ANKFN1: variants seen among roughly 807,000 people sequenced by gnomAD.
ANKFN1 encodes the protein ankyrin repeat and fibronectin type-III domain-containing protein 1.
In ANKFN1, 74 loss-of-function variants were observed where a neutral mutation model predicts 108.7. That is an observed-to-expected ratio of 0.68 (90% CI 0.56 to 0.83). The LOEUF is 0.83. Ranked by LOEUF, ANKFN1 falls within the 40% of genes least tolerant of loss-of-function variation. The probability of loss-of-function intolerance (pLI) is 0.00; values close to 1 mark genes in which losing one functional copy is unlikely to be tolerated. For synonymous variants in ANKFN1, 547 were observed against 516.2 expected, an observed-to-expected ratio of 1.06 and a Z score of -0.81; for missense variants, 1,505 against 1,382.3, an observed-to-expected ratio of 1.09 and a Z score of -1.41.
chr17:56,304,585 G>A (rs1374538238), intron 3 of ANKFN1, among the ~76,000 whole-genome samples: 2 of 152,030 alleles, frequency 1.3e-5, no homozygotes, highest in Non-Finnish European at 2.9e-5. Context: ...TTTCCAGAAT[G>A]GTTGTACAAT....
chr17:56,284,239 T>A (rs1349305215), intron 3 of ANKFN1, among the ~76,000 whole-genome samples: 2 of 152,196 alleles, frequency 1.3e-5, no homozygotes, highest in African/African-American at 2.4e-5. Context: ...TCAAATTTCC[T>A]CTGGGAAATT....
At chr17:56,054,147 T>C (rs1404333972) in intron 4 of ANKFN1, among the ~76,000 whole-genome samples, 1 of 152,214 alleles carries the variant, frequency 6.6e-6, no homozygotes, top group Non-Finnish European at 1.5e-5. Context: ...ACAACCTCTA[T>C]GGAAAAACAG....
intron 4 of ANKFN1, among the ~76,000 whole-genome samples, chr17:56,095,688 T>C (rs564466354): frequency 6.6e-6 from 1 of 152,304 alleles, no homozygotes; most frequent in Non-Finnish European, 1.5e-5. Context: ...GGGAAGTGCT[T>C]ATGCCCTGAG....
intron 4 of ANKFN1, among the ~76,000 whole-genome samples, chr17:56,084,031 G>A (rs2143173186): frequency 6.6e-6 from 1 of 151,444 alleles, no homozygotes; most frequent in Non-Finnish European, 1.5e-5. Context: ...CAGAGGGAAG[G>A]ATCATCAAAC....
At position 56,514,446 on chromosome 17, in the gene ANKFN1, C is replaced by G. The variant is rs191192626; in HGVS notation, c.*3177C>G. ...TGTTGGGCTACATCTTTGATTTCTT[C>G]TTGCTGTACAGACTCCTGAGGGAGT... On this transcript the variant is annotated 3_prime_UTR_variant, in exon 21 of 21. Coordinates refer to ENST00000682825, the MANE Select transcript of ANKFN1 (RefSeq NM_001370326.1). Among the ~76,000 whole-genome samples the G allele has an allele frequency of 5.9e-5, 9 of 152,310 alleles. No homozygotes were observed. Among genetic ancestry groups the G allele is most frequent in the Admixed American group, 3.3e-4 (5 of 15,292 alleles).
At chr17:56,200,213 A>G (rs1304190252) in intron 1 of ANKFN1, among the ~76,000 whole-genome samples, 1 of 152,246 alleles carries the variant, frequency 6.6e-6, no homozygotes, top group Non-Finnish European at 1.5e-5. Flanking sequence ...AAAAGAGAAA[A>G]GTACAGCCAG....
At chr17:56,404,438 T>C (rs2047856659) in intron 8 of ANKFN1, among the ~76,000 whole-genome samples, 3 of 152,212 alleles carry the variant, frequency 2.0e-5, no homozygotes, top group Admixed American at 2.0e-4. Context: ...CTTTTACTTG[T>C]TCAATTCTAT....
rs568909496 is a variant in ANKFN1, at chr17:56,433,604, A to G, written c.911-6723A>G. 5.9e-4 allele frequency among the ~76,000 whole-genome samples: 90 copies of G among 152,214 alleles called. 1 individual carries two copies. The highest frequency in any genetic ancestry group is 9.0e-4 in the Non-Finnish European group (61 of 68,028). On this transcript the variant is annotated intron_variant, in intron 8 of 20. Coordinates refer to ENST00000682825, the MANE Select transcript of ANKFN1 (RefSeq NM_001370326.1). ...GAAAAACCAAACATCGTTTGTTCTCACTCATAAGTGGAAGCTAAAGCTATG... is the reference window on the plus strand; with the variant it reads ...GAAAAACCAAACATCGTTTGTTCTCGCTCATAAGTGGAAGCTAAAGCTATG...
intron 3 of ANKFN1, among the ~76,000 whole-genome samples, chr17:56,295,997 AC>A (rs1166814804): frequency 6.6e-6 from 1 of 152,218 alleles, no homozygotes; most frequent in Non-Finnish European, 1.5e-5. Context: ...GCACATTCAA[AC>A]CACTATGGAT....
intron 2 of ANKFN1, among the ~76,000 whole-genome samples, chr17:56,220,832 G>GAGGGAGGGAGGGAGGAAGGAAGAAAGGA (rs1567846033): frequency 6.9e-5 from 3 of 43,404 alleles, no homozygotes; most frequent in South Asian, 9.6e-4. Flanking sequence ...GGAAGGAAGG[G>GAGGGAGGGAGGGAGGAAGGAAGAAAGGA]AGGAAGGGAG....
chr17:56,095,989 T>C (rs752250126), intron 4 of ANKFN1, among the ~76,000 whole-genome samples: 42 of 152,340 alleles, frequency 2.8e-4, no homozygotes, highest in Non-Finnish European at 5.4e-4. Context: ...TTATTGGTTA[T>C]ATGACCTTGA....
At chr17:56,370,160 T>C (rs1264043743) in intron 6 of ANKFN1, among the ~76,000 whole-genome samples, 1 of 152,160 alleles carries the variant, frequency 6.6e-6, no homozygotes, top group Non-Finnish European at 1.5e-5. Flanking sequence ...TGCGCTGGGA[T>C]GTAAATAATC....
chr17:56,462,122 T>C (rs1489413642), intron 14 of ANKFN1: 3 of 152,128 alleles, frequency 2.0e-5, no homozygotes, highest in Non-Finnish European at 2.9e-5. Flanking sequence ...GCCCAAACTA[T>C]TTACTAGTCT....
At chr17:56,309,722 CTA>C (rs1455821947) in intron 3 of ANKFN1, among the ~76,000 whole-genome samples, 1 of 152,076 alleles carries the variant, frequency 6.6e-6, no homozygotes, top group East Asian at 1.9e-4. Context: ...ACATACATAC[CTA>C]TGATAAAGTT....
chr17:56,367,186 C>A (rs2046685909), intron 6 of ANKFN1, among the ~76,000 whole-genome samples: 1 of 152,156 alleles, frequency 6.6e-6, no homozygotes. Flanking sequence ...GCAAACCAAA[C>A]AAATTGTTCC....
At chr17:56,222,172 C>T (rs371555995) in intron 2 of ANKFN1, among the ~76,000 whole-genome samples, 6 of 152,106 alleles carry the variant, frequency 3.9e-5, no homozygotes, top group Admixed American at 1.3e-4. Context: ...TTGTGTAACA[C>T]GAAGAGACTT....
chr17:56,452,812 A>T (rs2049537404), intron 11 of ANKFN1, among the ~76,000 whole-genome samples: 1 of 152,168 alleles, frequency 6.6e-6, no homozygotes, highest in Non-Finnish European at 1.5e-5. Flanking sequence ...TGAGCTATAT[A>T]TAACTATAAT....
chr17:56,378,500 C>T (rs2047002072), intron 8 of ANKFN1, among the ~76,000 whole-genome samples: 1 of 152,132 alleles, frequency 6.6e-6, no homozygotes, highest in African/African-American at 2.4e-5. Context: ...AAGAAAAATG[C>T]ATTCCATTAA....
At chr17:56,400,974 G>A (rs1723256001) in intron 8 of ANKFN1, among the ~76,000 whole-genome samples, 1 of 152,138 alleles carries the variant, frequency 6.6e-6, no homozygotes, top group African/African-American at 2.4e-5. Flanking sequence ...GTACCACGCT[G>A]TTTTGGTGAC....
Sources: allele counts gnomAD v4.1 joint callset (sites outside exome capture counted in the v4.1 genomes callset), GRCh38; gene constraint gnomAD v4.1.1; transcripts MANE v1.5; gene names NCBI Gene and HGNC (gene_info 2026-07-23, HGNC 2026-07-21).